Variants in PCLO observed in about 807,000 individuals in gnomAD.
The protein encoded by PCLO is protein piccolo.
In PCLO, 82 loss-of-function variants were observed where a neutral mutation model predicts 427.5. That is an observed-to-expected ratio of 0.19 (90% CI 0.16 to 0.23). The LOEUF (loss-of-function observed/expected upper bound fraction) is 0.23, where lower values mean the gene tolerates loss of function less well. PCLO is among the 10% of genes least tolerant of loss of function. The pLI is 1.00. For synonymous variants in PCLO, 2,357 were observed against 2,155.4 expected, an observed-to-expected ratio of 1.09 and a Z score of -2.59; for missense variants, 6,239 against 6,115.9, an observed-to-expected ratio of 1.02 and a Z score of -0.67.
intron 9 of PCLO, among the ~76,000 whole-genome samples, chr7:82,897,436 T>A (rs769576937): frequency 1.3e-4 from 20 of 151,556 alleles, no homozygotes; most frequent in Non-Finnish European, 2.5e-4. Flanking sequence ...TCTCTTTGCA[T>A]ACATTACAAA....
intron 3 of PCLO, among the ~76,000 whole-genome samples, chr7:83,073,784 A>T (rs146455652): frequency 6.5e-4 from 99 of 151,288 alleles, no homozygotes; most frequent in East Asian, 1.4e-3. Flanking sequence ...TTTAACATAA[A>T]TTTTTTTAAT....
chr7:83,063,967 A>C (rs1789601839), intron 3 of PCLO, among the ~76,000 whole-genome samples: 1 of 152,166 alleles, frequency 6.6e-6, no homozygotes, highest in East Asian at 1.9e-4. Flanking sequence ...ACTTATTGAG[A>C]AAATATAAAG....
intron 3 of PCLO, among the ~76,000 whole-genome samples, chr7:82,985,806 CACA>C (rs1381892411): frequency 1.3e-5 from 2 of 151,660 alleles, no homozygotes; most frequent in East Asian, 3.9e-4. Context: ...ACAGTATGTC[CACA>C]ACATGTAATT....
At chr7:82,946,608 T>A (rs1171574316) in intron 6 of PCLO, among the ~76,000 whole-genome samples, 1 of 152,112 alleles carries the variant, frequency 6.6e-6, no homozygotes, top group Non-Finnish European at 1.5e-5. Flanking sequence ...CACAGACTCG[T>A]GCCCTGGGTG....
intron 2 of PCLO, 70 bp downstream of exon 2, chr7:83,154,678 A>T: frequency 9.1e-7 from 1 of 1,096,844 alleles, no homozygotes; most frequent in African/African-American, 1.5e-5. Context: ...ATATGTGTTT[A>T]GTTAAGCATC....
chr7:83,155,341 G>A lies in PCLO; in HGVS notation c.1300C>T (p.Pro434Ser). ...TGAACTGGAGTCTTTGTAGGCCCAGGTGCCTTAGCTGGAGACTGTAGCCCA... is the reference window on the plus strand; with the variant it reads ...TGAACTGGAGTCTTTGTAGGCCCAGATGCCTTAGCTGGAGACTGTAGCCCA... ...QPGLQSPAKA[P>S]GPTKTPVQQP... Residue 434 changes from proline to serine, a missense_variant, in exon 2 of 25, where the codon CCT becomes TCT. This residue lies in a region of PCLO where 4,677 missense variants were observed against 4,468.4 expected (regional missense o/e 1.05). Coordinates refer to ENST00000333891, the MANE Select transcript of PCLO (RefSeq NM_033026.6). 1.2e-6 allele frequency: 2 copies of A among 1,613,676 alleles called. No individual in the cohort carries two copies. The highest frequency in any genetic ancestry group is 2.2e-5 in the South Asian group (2 of 91,066).
intron 3 of PCLO, among the ~76,000 whole-genome samples, chr7:83,097,862 T>C (rs1351762106): frequency 6.6e-6 from 1 of 152,018 alleles, no homozygotes. Flanking sequence ...ATCTTCACTA[T>C]ACATACTATA....
At chr7:82,973,536 G>A (rs1357319221) in intron 3 of PCLO, among the ~76,000 whole-genome samples, 4 of 151,888 alleles carry the variant, frequency 2.6e-5, no homozygotes, top group Non-Finnish European at 4.4e-5. Flanking sequence ...ATACAATACA[G>A]GTACTGTTAG....
intron 3 of PCLO, among the ~76,000 whole-genome samples, chr7:83,063,734 T>C (rs868499989): frequency 2.0e-5 from 3 of 152,180 alleles, no homozygotes; most frequent in Middle Eastern, 3.4e-3. Flanking sequence ...CCTATTGCCC[T>C]TTTTCTGGCA....
chr7:83,039,298 T>G (rs1788912623), intron 3 of PCLO, among the ~76,000 whole-genome samples: 1 of 152,048 alleles, frequency 6.6e-6, no homozygotes, highest in Non-Finnish European at 1.5e-5. Context: ...AAATCCTACT[T>G]TATGCAGACT....
Position 82,951,349 on chromosome 7 carries a change from C to A in PCLO, c.9239G>T (p.Ser3080Ile), listed in dbSNP as rs761300388. ...AACACCATTAGATGACCTCAAAACA[C>A]TCCCCACACAATACTGGGGTCCTGG... Reference protein sequence around the residue: ...PPPGPQYCVGSVLRSSNGVVY... With the variant: ...PPPGPQYCVGIVLRSSNGVVY... The change falls in exon 6 of 25, where the codon AGT becomes ATT. Residue 3080 changes from serine to isoleucine, a missense_variant. Coordinates refer to ENST00000333891, the MANE Select transcript of PCLO (RefSeq NM_033026.6). 2 of 1,608,618 alleles carry A rather than the reference C, an allele frequency of 1.2e-6. No homozygotes were observed. Among genetic ancestry groups the A allele is most frequent in the African/African-American group, 2.7e-5 (2 of 74,848 alleles).
intron 18 of PCLO, 83 bp downstream of exon 18, chr7:82,826,506 A>C: frequency 1.2e-6 from 1 of 852,258 alleles, no homozygotes; most frequent in Non-Finnish European, 1.9e-6. Flanking sequence ...CTATCTTATA[A>C]ACTTCAGAAA....
intron 12 of PCLO, 67 bp from the exon 13 acceptor site, chr7:82,845,552 G>A: frequency 9.4e-7 from 1 of 1,065,236 alleles, no homozygotes; most frequent in East Asian, 2.5e-5. Flanking sequence ...ATGGAACTAT[G>A]TGAGTTCTAG....
At chr7:82,825,103 T>G (rs1298777402) in intron 18 of PCLO, among the ~76,000 whole-genome samples, 1 of 152,166 alleles carries the variant, frequency 6.6e-6, no homozygotes, top group African/African-American at 2.4e-5. Flanking sequence ...TTATTCTATT[T>G]TAAAACATAC....
At chr7:83,106,154 A>T (rs1020522400) in intron 3 of PCLO, among the ~76,000 whole-genome samples, 16 of 152,158 alleles carry the variant, frequency 1.1e-4, no homozygotes, top group Admixed American at 2.0e-4. Flanking sequence ...ACCAAGGGCA[A>T]GTGTGAATCC....
At chr7:82,877,752 G>A (rs541338169) in intron 10 of PCLO, among the ~76,000 whole-genome samples, 20 of 152,088 alleles carry the variant, frequency 1.3e-4, no homozygotes, top group African/African-American at 3.9e-4. Context: ...TGCAACCTCC[G>A]CCTCCCACGT....
Position 82,949,545 on chromosome 7 carries a change from G to A in PCLO, c.11043C>T (p.Asp3681=), listed in dbSNP as rs556513850. The A allele has an allele frequency of 1.2e-6, 2 of 1,613,774 alleles. No individual in the cohort carries two copies. The highest frequency in any genetic ancestry group is 2.7e-5 in the African/African-American group (2 of 75,018). Residue 3681 remains aspartate (D), a synonymous_variant, in exon 6 of 25, where the codon GAC becomes GAT. Transcript: ENST00000333891. ...TAKMMQRSMS[D]PKPLSPTADE... is the part of the protein sequence containing the mutation. The stretch of plus-strand genomic sequence containing the variant: ...CTGCTGTTGGACTCAGAGGCTTGGG[G>A]TCAGACATAGAACGCTGCATCATCT...
At chr7:82,782,324 T>A (rs552788555) in intron 22 of PCLO, among the ~76,000 whole-genome samples, 14 of 152,146 alleles carry the variant, frequency 9.2e-5, no homozygotes, top group Non-Finnish European at 1.5e-4. Context: ...AAAAACATGA[T>A]TTGAGGAGAG....
chr7:82,806,985 G>C (rs1348168103), intron 20 of PCLO, among the ~76,000 whole-genome samples: 5 of 23,802 alleles, frequency 2.1e-4, no homozygotes, highest in Non-Finnish European at 4.0e-4. Flanking sequence ...CTCTTCTCAA[G>C]GGCTTTACTG....
Sources: gnomAD v4.1 joint callset for allele counts (sites outside exome capture counted in the v4.1 genomes callset) on GRCh38, gnomAD v4.1.1 for gene constraint, gnomAD v4.1.1 regional missense constraint, MANE v1.5 for transcripts, NCBI Gene and HGNC (gene_info 2026-07-23, HGNC 2026-07-21) for gene names.